The following TXLNB variants were observed in gnomAD, a reference collection of about 807,000 sequenced individuals.
The protein encoded by TXLNB is taxilin beta.
TXLNB carries 37 observed loss-of-function variants against 57.4 expected under a neutral mutation model. The observed-to-expected ratio is 0.64, with a 90% CI of 0.50 to 0.85. The LOEUF is 0.85. TXLNB is among the 40% of genes least tolerant of loss of function. The pLI, the probability that TXLNB is intolerant of heterozygous loss-of-function variation, is 0.00. For missense variants in TXLNB, 848 were observed against 825.6 expected (o/e 1.03, Z -0.33); for synonymous variants, 302 against 309.6 (o/e 0.98, Z 0.26).
chr6:139,249,571 G>T (rs981004225), intron 7 of TXLNB, among the ~76,000 whole-genome samples: 5 of 152,194 alleles, frequency 3.3e-5, no homozygotes, highest in African/African-American at 1.2e-4. Flanking sequence ...AGTACAGAAA[G>T]CACCCTGAAT....
chr6:139,183,814 G>A, the TXLNB span, among the ~76,000 whole-genome samples: 4 of 151,786 alleles, frequency 2.6e-5, no homozygotes, highest in Non-Finnish European at 5.9e-5. Context: ...CTTATATACA[G>A]ATGCTGGAGG....
At chr6:139,250,177 C>CT (rs529236500) in intron 7 of TXLNB, among the ~76,000 whole-genome samples, 6,731 of 124,364 alleles carry the variant, frequency 0.054, 200 homozygotes, top group African/African-American at 0.07. Context: ...CCATGTCTGG[C>CT]TTTTTTTTTT....
At chr6:139,285,545 C>T (rs1405352312) in intron 2 of TXLNB, among the ~76,000 whole-genome samples, 1 of 144,406 alleles carries the variant, frequency 6.9e-6, no homozygotes, top group East Asian at 2.0e-4. Flanking sequence ...TGATTCCAAC[C>T]CTGCACTTTG....
the TXLNB span, among the ~76,000 whole-genome samples, chr6:139,196,364 G>T: frequency 2.3e-5 from 2 of 86,762 alleles, 1 homozygote; most frequent in Admixed American, 2.6e-4. Flanking sequence ...CTCCAGATCT[G>T]GTTTTTTTTT....
chr6:139,293,261 T>C (rs1583035574), upstream of TXLNB, among the ~76,000 whole-genome samples: 4 of 152,054 alleles, frequency 2.6e-5, no homozygotes, highest in East Asian at 7.7e-4. Context: ...CCAGCTAATT[T>C]TTGTATTTTT....
At chr6:139,168,857 A>G in the TXLNB span, among the ~76,000 whole-genome samples, 1 of 152,302 alleles carries the variant, frequency 6.6e-6, no homozygotes, top group South Asian at 2.1e-4. Flanking sequence ...CTTCTAAGTT[A>G]TACATATTTT....
upstream of TXLNB, among the ~76,000 whole-genome samples, chr6:139,292,582 T>C (rs1289895500): frequency 6.6e-6 from 1 of 152,214 alleles, no homozygotes; most frequent in African/African-American, 2.4e-5. This position sits in a 1 kb window ranked among gnomAD's most constrained non-coding sequence, Gnocchi z 4.0. Flanking sequence ...ATGTAGATGG[T>C]GATTTTGGAG....
Position 139,244,628 on chromosome 6 carries a change from G to T in TXLNB, c.1233C>A (p.Asn411Lys), listed in dbSNP as rs950920053. 6.2e-7 allele frequency: 1 copy of T among 1,613,980 alleles called. No individual in the cohort carries two copies. The highest frequency in any genetic ancestry group is 8.5e-7 in the Non-Finnish European group (1 of 1,179,842). The change falls in exon 9 of 10, where the codon AAC becomes AAA. Residue 411 changes from asparagine (N) to lysine (K), a missense_variant. Transcript: ENST00000358430. ...TCATGTCCAACAGAGCTTTGTTACA[G>T]TTCTCAAATCGGGCTTTCCATGTGG... ...DTATWKARFE[N>K]CNKALLDMIE...
rs909713523 is a variant in TXLNB at position 139,260,348 on chromosome 6, C to T, written c.972G>A (p.Ala324=). 1.6e-5 allele frequency: 26 copies of T among 1,614,024 alleles called. No individual in the cohort carries two copies. The highest frequency in any genetic ancestry group is 1.7e-4 in the Middle Eastern group (1 of 6,060). Residue 324 remains alanine, a synonymous_variant, in exon 6 of 10, where the codon GCG becomes GCA. Transcript: ENST00000358430. ...LEQAQEMMKE[A]EERHKREKEY... Reference sequence around the variant, plus strand: ...CCTTTTCTCGTTTGTGTCGCTCCTCCGCTTCCTTCATCATTTCTTGGGCCT... The same window carrying T: ...CCTTTTCTCGTTTGTGTCGCTCCTCTGCTTCCTTCATCATTTCTTGGGCCT...
chr6:139,166,823 C>T, the TXLNB span: 1 of 1,613,696 alleles, frequency 6.2e-7, no homozygotes. Flanking sequence ...CTCCCCGGGC[C>T]AGTCCCCACC....
At chr6:139,176,806 G>A in the TXLNB span, 20 of 632,390 alleles carry the variant, frequency 3.2e-5, no homozygotes, top group South Asian at 2.1e-4. The surrounding 1 kb of genome is among the most constrained non-coding windows in gnomAD (Gnocchi z 4.5). Context: ...GGTATACCCC[G>A]TTTCCATGTT....
intron 5 of TXLNB, among the ~76,000 whole-genome samples, chr6:139,262,278 A>C (rs570649869): frequency 6.6e-6 from 1 of 152,282 alleles, no homozygotes; most frequent in East Asian, 1.9e-4. Flanking sequence ...TTGGCTATAG[A>C]GAGAGGATTT....
the TXLNB span, among the ~76,000 whole-genome samples, chr6:139,318,347 TATAAG>T: frequency 1.4e-5 from 2 of 142,354 alleles, no homozygotes; most frequent in Non-Finnish European, 3.1e-5. Context: ...AGATGAAAAA[TATAAG>T]AGAAGAAGAG....
At chr6:139,161,635 CCTTT>C in the TXLNB span, among the ~76,000 whole-genome samples, 1 of 152,214 alleles carries the variant, frequency 6.6e-6, no homozygotes, top group East Asian at 1.9e-4. Flanking sequence ...TCTTAATCCA[CCTTT>C]CTTTAGTGTG....
chr6:139,193,260 T>TTTTTTTTA, the TXLNB span, among the ~76,000 whole-genome samples: 2 of 148,490 alleles, frequency 1.3e-5, no homozygotes, highest in African/African-American at 5.0e-5. Context: ...TTTTTTTTTT[T>TTTTTTTTA]ATCATTGTCT....
chr6:139,317,500 T>G, the TXLNB span, among the ~76,000 whole-genome samples: 1 of 151,854 alleles, frequency 6.6e-6, no homozygotes, highest in Non-Finnish European at 1.5e-5. Context: ...CCCAGGTTCA[T>G]GCCATTCTCC....
chr6:139,224,506 CATTGTA>C, the TXLNB span, among the ~76,000 whole-genome samples: 2 of 151,744 alleles, frequency 1.3e-5, no homozygotes, highest in African/African-American at 4.8e-5. Flanking sequence ...GGTCTGTGAA[CATTGTA>C]ATTGATAGCG....
At chr6:139,285,518 G>A (rs1284840524) in intron 2 of TXLNB, among the ~76,000 whole-genome samples, 2 of 144,418 alleles carry the variant, frequency 1.4e-5, no homozygotes, top group Non-Finnish European at 3.1e-5. Flanking sequence ...GTTTTTCCAT[G>A]TTCCAAAACA....
chr6:139,164,759 T>C, the TXLNB span, among the ~76,000 whole-genome samples: 1 of 151,924 alleles, frequency 6.6e-6, no homozygotes, highest in African/African-American at 2.4e-5. Context: ...ACCCTTGTCA[T>C]CCCAGCCTGT....
Sources: allele counts gnomAD v4.1 joint callset (sites outside exome capture counted in the v4.1 genomes callset), GRCh38; gene constraint gnomAD v4.1.1; non-coding constraint Gnocchi (gnomAD v3.1); transcripts MANE v1.5; gene names NCBI Gene and HGNC (gene_info 2026-07-23, HGNC 2026-07-21).